The following CHSY3 variants were observed in gnomAD, a reference collection of about 807,000 sequenced individuals.
CHSY3 encodes the protein N-acetylgalactosaminyl-proteoglycan 3-beta-glucuronosyltransferase 3.
CHSY3 carries 35 observed loss-of-function variants against 67.2 expected under a neutral mutation model. The observed-to-expected ratio is 0.52, with a 90% CI of 0.40 to 0.69. The LOEUF is 0.69. Ranked by LOEUF, CHSY3 falls within the 30% of genes least tolerant of loss-of-function variation. The pLI is 0.00. For synonymous variants in CHSY3, 474 were observed against 434.7 expected, an observed-to-expected ratio of 1.09 and a Z score of -1.12; for missense variants, 1,069 against 1,138.5, an observed-to-expected ratio of 0.94 and a Z score of 0.88.
chr5:129,935,210 C>T (rs1761447648), intron 2 of CHSY3, among the ~76,000 whole-genome samples: 1 of 152,124 alleles, frequency 6.6e-6, no homozygotes, highest in Admixed American at 6.6e-5. Context: ...TTTAAATAAC[C>T]TCTCTTTCTG....
In CHSY3 at chr5:129,905,031, T is replaced by G; in HGVS notation, c.202T>G (p.Ser68Ala). 2.6e-6 allele frequency: 4 copies of G among 1,559,946 alleles called. No homozygotes were observed. Among genetic ancestry groups the G allele is most frequent in the Non-Finnish European group, 3.4e-6 (4 of 1,159,612 alleles). ...TCAGCAGCCGCTCCCCCAGCCCCAG[T>G]CCCGACCACGGCAGGAGCAGTCGCC... ...GAQQPLPQPQ[S>A]RPRQEQSPPP... is the part of the protein sequence containing the mutation. The change falls in exon 1 of 3, where the codon TCC becomes GCC. Residue 68 changes from serine (S) to alanine (A), a missense_variant. Transcript: ENST00000305031.
In CHSY3 at chr5:130,178,961, G is replaced by T. The variant is rs187279629; in HGVS notation, c.1087-5268G>T. Among the ~76,000 whole-genome samples the T allele has an allele frequency of 1.2e-3, 189 of 152,294 alleles. 1 individual carries two copies. Among genetic ancestry groups the T allele is most frequent in the Admixed American group, 3.9e-3 (60 of 15,294 alleles). ...TTATTCTTGGTTTTGCCCATTGCAA[G>T]TCTACAATTCAGTTTTCTACAATTT... On this transcript the variant is annotated intron_variant, in intron 2 of 2. Coordinates refer to ENST00000305031, the MANE Select transcript of CHSY3 (RefSeq NM_175856.5).
intron 2 of CHSY3, among the ~76,000 whole-genome samples, chr5:129,947,190 G>A (rs1307353803): frequency 6.6e-6 from 1 of 152,098 alleles, no homozygotes; most frequent in Non-Finnish European, 1.5e-5. Context: ...GTGATAGGGG[G>A]AAAAGCCCAT....
chr5:129,940,770 T>C (rs1761673123), intron 2 of CHSY3, among the ~76,000 whole-genome samples: 2 of 151,678 alleles, frequency 1.3e-5, no homozygotes, highest in African/African-American at 4.8e-5. Flanking sequence ...ACTTTATATA[T>C]ACATATATAT....
intron 2 of CHSY3, among the ~76,000 whole-genome samples, chr5:130,116,051 C>G (rs1458449929): frequency 1.3e-5 from 2 of 152,150 alleles, no homozygotes; most frequent in East Asian, 3.9e-4. Flanking sequence ...CCAAAGTGAC[C>G]AACCTAAGTG....
chr5:129,988,576 A>G (rs1763271399), intron 2 of CHSY3, among the ~76,000 whole-genome samples: 1 of 152,180 alleles, frequency 6.6e-6, no homozygotes, highest in Non-Finnish European at 1.5e-5. Flanking sequence ...CTATATCCCC[A>G]TCCCCTAAAA....
intron 2 of CHSY3, among the ~76,000 whole-genome samples, chr5:130,087,857 G>GA (rs1436997922): frequency 3.3e-5 from 5 of 150,794 alleles, no homozygotes; most frequent in Non-Finnish European, 7.4e-5. Context: ...CACAGAATTG[G>GA]AAAAAACTAC....
intron 2 of CHSY3, among the ~76,000 whole-genome samples, chr5:130,095,771 C>G (rs1448937178): frequency 2.6e-5 from 4 of 152,178 alleles, no homozygotes; most frequent in Admixed American, 6.5e-5. Context: ...CTCTTTCAAA[C>G]TATTTAATAA....
At chr5:129,932,070 C>A (rs1231141738) in intron 2 of CHSY3, among the ~76,000 whole-genome samples, 1 of 130,498 alleles carries the variant, frequency 7.7e-6, no homozygotes, top group Non-Finnish European at 1.6e-5. Context: ...TGTATATAAA[C>A]AATAAAACCA....
intron 2 of CHSY3, among the ~76,000 whole-genome samples, chr5:130,014,255 G>C (rs568193841): frequency 6.6e-6 from 1 of 152,232 alleles, no homozygotes; most frequent in African/African-American, 2.4e-5. Context: ...TTGTTACCCA[G>C]TTCTAAAGTC....
At chr5:129,924,220 C>A (rs921717581) in intron 2 of CHSY3, among the ~76,000 whole-genome samples, 3 of 152,198 alleles carry the variant, frequency 2.0e-5, no homozygotes, top group African/African-American at 4.8e-5. Context: ...CCCCTACTAA[C>A]CACTCTTTTT....
intron 2 of CHSY3, among the ~76,000 whole-genome samples, chr5:129,932,572 A>C (rs1039408730): frequency 6.6e-6 from 1 of 152,172 alleles, no homozygotes; most frequent in African/African-American, 2.4e-5. Flanking sequence ...AATAATAATC[A>C]ATGGTTTATA....
At chr5:130,038,050 G>A (rs1315508749) in intron 2 of CHSY3, among the ~76,000 whole-genome samples, 1 of 152,058 alleles carries the variant, frequency 6.6e-6, no homozygotes, top group African/African-American at 2.4e-5. Context: ...AGCCCCTGTG[G>A]TATGCAGTGC....
intron 2 of CHSY3, among the ~76,000 whole-genome samples, chr5:129,977,541 G>A (rs1452722958): frequency 6.6e-6 from 1 of 152,098 alleles, no homozygotes; most frequent in Non-Finnish European, 1.5e-5. Flanking sequence ...TAAGATGTAG[G>A]AAGATAATAA....
intron 2 of CHSY3, among the ~76,000 whole-genome samples, chr5:129,924,665 A>T (rs2149585218): frequency 6.6e-6 from 1 of 151,788 alleles, no homozygotes; most frequent in East Asian, 1.9e-4. Flanking sequence ...AAAAAAATAG[A>T]ATTAACTTTC....
At chr5:129,993,689 T>A (rs1157273242) in intron 2 of CHSY3, among the ~76,000 whole-genome samples, 1 of 152,224 alleles carries the variant, frequency 6.6e-6, no homozygotes, top group African/African-American at 2.4e-5. Context: ...GTCTTTTAAT[T>A]GGAGCATTTA....
intron 2 of CHSY3, among the ~76,000 whole-genome samples, chr5:130,035,611 A>G (rs73785859): frequency 5.0e-4 from 76 of 152,278 alleles, no homozygotes; most frequent in African/African-American, 1.8e-3. Context: ...CGGGAAGCAG[A>G]AATGAGCCAA....
intron 2 of CHSY3, among the ~76,000 whole-genome samples, chr5:129,909,421 G>GT (rs1056010525): frequency 6.6e-5 from 10 of 151,374 alleles, no homozygotes; most frequent in South Asian, 2.1e-4. Context: ...AGTTTCATTT[G>GT]TTTTTTTTGT....
intron 2 of CHSY3, among the ~76,000 whole-genome samples, chr5:130,128,253 T>TGTGTGTGTGTGTGCGC (rs760472284): frequency 1.3e-5 from 2 of 150,910 alleles, no homozygotes; most frequent in South Asian, 4.2e-4. Context: ...TGTGTGTGTG[T>TGTGTGTGTGTGTGCGC]GCGCTCACAT....
Sources: gnomAD v4.1 joint callset for allele counts (sites outside exome capture counted in the v4.1 genomes callset) on GRCh38, gnomAD v4.1.1 for gene constraint, MANE v1.5 for transcripts, NCBI Gene and HGNC (gene_info 2026-07-23, HGNC 2026-07-21) for gene names.